Variants in PIK3R3 observed in about 807,000 individuals in gnomAD.
The protein encoded by PIK3R3 is phosphatidylinositol 3-kinase regulatory subunit gamma.
In PIK3R3, 64 loss-of-function variants were observed where a neutral mutation model predicts 62.9. The observed-to-expected ratio is 1.02, with a 90% CI of 0.83 to 1.25. The LOEUF (loss-of-function observed/expected upper bound fraction) is 1.25, where lower values mean the gene tolerates loss of function less well. Ranked by LOEUF, PIK3R3 falls within the 50% of genes most tolerant of loss-of-function variation. PIK3R3 has a pLI of 0.00. For synonymous variants in PIK3R3, 165 were observed against 189.0 expected, an observed-to-expected ratio of 0.87 and a Z score of 1.04; for missense variants, 614 against 561.6, an observed-to-expected ratio of 1.09 and a Z score of -0.94.
intron 4 of PIK3R3, 69 bp from the exon 5 acceptor site, chr1:46,066,248 T>C (rs1431064673): frequency 1.8e-6 from 2 of 1,137,850 alleles, no homozygotes; most frequent in Non-Finnish European, 2.5e-6. Flanking sequence ...ATTTTCCACA[T>C]CTATTTTTTA....
chr1:46,079,032 T>C (rs1650334173), intron 2 of PIK3R3, among the ~76,000 whole-genome samples: 1 of 152,102 alleles, frequency 6.6e-6, no homozygotes, highest in Non-Finnish European at 1.5e-5. Context: ...ATGAAAAAGT[T>C]CTGGAGATGG....
chr1:46,142,124 T>G, the PIK3R3 span, among the ~76,000 whole-genome samples: 1 of 152,204 alleles, frequency 6.6e-6, no homozygotes, highest in South Asian at 2.1e-4. Flanking sequence ...CTTGCTTCCT[T>G]GCCTTCCTTT....
the PIK3R3 span, among the ~76,000 whole-genome samples, chr1:46,172,771 T>A: frequency 2.6e-5 from 4 of 152,074 alleles, no homozygotes; most frequent in South Asian, 8.3e-4. Flanking sequence ...GGTAGATGGA[T>A]CACTTTAGGC....
At chr1:46,147,471 G>A in the PIK3R3 span, among the ~76,000 whole-genome samples, 20 of 151,798 alleles carry the variant, frequency 1.3e-4, no homozygotes, top group Non-Finnish European at 2.6e-4. Context: ...AGGCTGGAGC[G>A]CAGTGGTGCG....
the PIK3R3 span, among the ~76,000 whole-genome samples, chr1:46,146,616 G>T: frequency 1.3e-5 from 2 of 151,258 alleles, no homozygotes; most frequent in African/African-American, 4.9e-5. Context: ...ATCTCCCTTG[G>T]AGGAGGCTCC....
At chr1:46,091,502 A>C (rs1358375176) in intron 1 of PIK3R3, among the ~76,000 whole-genome samples, 1 of 152,156 alleles carries the variant, frequency 6.6e-6, no homozygotes, top group East Asian at 1.9e-4. Context: ...ACACACACAG[A>C]GAATGTGAAA....
At chr1:46,081,299 T>C (rs1195346046) in intron 1 of PIK3R3, among the ~76,000 whole-genome samples, 1 of 152,114 alleles carries the variant, frequency 6.6e-6, no homozygotes, top group Non-Finnish European at 1.5e-5. Context: ...TATGTAAATG[T>C]CTATACACAG....
chr1:46,043,719 CTGACGT>C lies in PIK3R3; in HGVS notation c.1334_1339del (p.Asn445_Val446del). ...CTGTGCATGAACAGGGTAGGCAAGCCTGACGTTGAGGGAGTCGTTGTGCTGAACCAA... is the reference window on the plus strand; with the variant it reads ...CTGTGCATGAACAGGGTAGGCAAGCCTGAGGGAGTCGTTGTGCTGAACCAA... On this transcript the variant is annotated inframe_deletion, in exon 10 of 10. Transcript: ENST00000262741. The C allele has an allele frequency of 6.2e-7, 1 of 1,614,250 alleles. No homozygotes were observed. Among genetic ancestry groups the C allele is most frequent in the Non-Finnish European group, 8.5e-7 (1 of 1,180,044 alleles).
At chr1:46,081,849 T>C (rs1410168618) in intron 1 of PIK3R3, among the ~76,000 whole-genome samples, 7 of 152,074 alleles carry the variant, frequency 4.6e-5, no homozygotes, top group Non-Finnish European at 1.0e-4. Flanking sequence ...GCTCAAAGAA[T>C]GGGAGAGGCT....
At position 46,043,717 on chromosome 1, in the gene PIK3R3, G is replaced by A; in HGVS notation, c.1342C>T (p.Leu448Phe). The change falls in exon 10 of 10, where the codon CTT becomes TTT. Residue 448 changes from leucine (L) to phenylalanine (F), a missense_variant. By Grantham distance (22) the Leu-to-Phe change is conservative. Coordinates refer to ENST00000262741, the MANE Select transcript of PIK3R3 (RefSeq NM_003629.4). ...VQHNDSLNVR[L>F]AYPVHAQMPS... ...ATCTGTGCATGAACAGGGTAGGCAA[G>A]CCTGACGTTGAGGGAGTCGTTGTGC... is the stretch of plus-strand genomic sequence containing the variant. 2 of 1,614,250 alleles carry A rather than the reference G, an allele frequency of 1.2e-6. No homozygotes were observed. The highest frequency in any genetic ancestry group is 1.7e-6 in the Non-Finnish European group (2 of 1,180,040).
chr1:46,104,138 G>C (rs1652966964), intron 1 of PIK3R3, among the ~76,000 whole-genome samples: 1 of 152,030 alleles, frequency 6.6e-6, no homozygotes, highest in African/African-American at 2.4e-5. Flanking sequence ...ATGTTGGCCA[G>C]GTTGGTCTCA....
At chr1:46,097,040 C>T (rs1571484334) in intron 1 of PIK3R3, among the ~76,000 whole-genome samples, 3 of 150,094 alleles carry the variant, frequency 2.0e-5, no homozygotes, top group Middle Eastern at 3.5e-3. Context: ...TTTATGAACA[C>T]GGACAAAAAA....
At chr1:46,090,589 T>TCC in intron 1 of PIK3R3, among the ~76,000 whole-genome samples, 1 of 152,184 alleles carries the variant, frequency 6.6e-6, no homozygotes, top group African/African-American at 2.4e-5. Flanking sequence ...TGCCTTGGCC[T>TCC]CCCAAAGTAT....
intron 1 of PIK3R3, among the ~76,000 whole-genome samples, chr1:46,082,220 T>G (rs762739551): frequency 2.0e-5 from 3 of 152,210 alleles, no homozygotes; most frequent in Non-Finnish European, 2.9e-5. Flanking sequence ...GTAACATCAC[T>G]TCTGTGACAT....
chr1:46,075,104 AAAT>A (rs1312717813), intron 3 of PIK3R3, among the ~76,000 whole-genome samples: 1 of 152,210 alleles, frequency 6.6e-6, no homozygotes. Flanking sequence ...TGACAGTATC[AAAT>A]ACAGGGTTGC....
At chr1:46,122,534 A>AT (rs1654768238) in intron 1 of PIK3R3, among the ~76,000 whole-genome samples, 1 of 151,940 alleles carries the variant, frequency 6.6e-6, no homozygotes, top group African/African-American at 2.4e-5. Context: ...CGCCTGGCTA[A>AT]TTTTTTTATT....
At chr1:46,120,651 GT>G in intron 1 of PIK3R3, among the ~76,000 whole-genome samples, 1 of 152,250 alleles carries the variant, frequency 6.6e-6, no homozygotes, top group Middle Eastern at 3.4e-3. Context: ...TGCTAATACT[GT>G]TTATTGACAA....
At chr1:46,157,426 G>A in the PIK3R3 span, among the ~76,000 whole-genome samples, 1 of 152,148 alleles carries the variant, frequency 6.6e-6, no homozygotes, top group East Asian at 1.9e-4. Flanking sequence ...GAGCCACTGT[G>A]CCTGACCATA....
At chr1:46,121,333 A>G (rs1557631795) in intron 1 of PIK3R3, among the ~76,000 whole-genome samples, 1 of 152,216 alleles carries the variant, frequency 6.6e-6, no homozygotes, top group Non-Finnish European at 1.5e-5. Context: ...CCCTGTTGTA[A>G]AAAGGTCACT....
Sources: gnomAD v4.1 joint callset for allele counts (sites outside exome capture counted in the v4.1 genomes callset) on GRCh38, gnomAD v4.1.1 for gene constraint, MANE v1.5 for transcripts, NCBI Gene and HGNC (gene_info 2026-07-23, HGNC 2026-07-21) for gene names.